GABRA1: variants seen among roughly 807,000 people sequenced by gnomAD.
GABRA1 encodes gamma-aminobutyric acid type A receptor subunit alpha1.
A neutral mutation model predicts 48.9 loss-of-function variants in GABRA1; 9 were observed. The observed-to-expected ratio is 0.18, with a 90% CI of 0.11 to 0.32. The LOEUF (loss-of-function observed/expected upper bound fraction) is 0.32, where lower values mean the gene tolerates loss of function less well. Ranked by LOEUF, GABRA1 falls within the 10% of genes least tolerant of loss-of-function variation. GABRA1 has a pLI of 1.00. For synonymous variants in GABRA1, 210 were observed against 198.7 expected (o/e 1.06, Z -0.48); for missense variants, 285 against 553.8 (o/e 0.51, Z 4.87).
At chr5:161,886,912 C>T (rs1341085333) in intron 7 of GABRA1, among the ~76,000 whole-genome samples, 1 of 152,158 alleles carries the variant, frequency 6.6e-6, no homozygotes, top group Non-Finnish European at 1.5e-5. Context: ...CCCACCCTCA[C>T]CACATTATGC....
At chr5:161,861,628 C>G (rs937322406) in intron 3 of GABRA1, among the ~76,000 whole-genome samples, 3 of 151,764 alleles carry the variant, frequency 2.0e-5, no homozygotes, top group Non-Finnish European at 2.9e-5. Context: ...CTAAGTAGCT[C>G]TACATATCAT....
At chr5:161,891,325 T>C (rs1755078441) in intron 8 of GABRA1, among the ~76,000 whole-genome samples, 1 of 152,166 alleles carries the variant, frequency 6.6e-6, no homozygotes, top group African/African-American at 2.4e-5. Flanking sequence ...ATAAAATGCA[T>C]AATATTAAAA....
chr5:161,856,987 C>T (rs1487946426), intron 3 of GABRA1, among the ~76,000 whole-genome samples: 1 of 151,052 alleles, frequency 6.6e-6, no homozygotes, highest in East Asian at 1.9e-4. Flanking sequence ...ATTTTTGGTA[C>T]TTTAAGTATG....
In GABRA1 at chr5:161,897,449, G is replaced by A. The variant is rs369682969; in HGVS notation, c.*27G>A. The A allele has an allele frequency of 6.3e-7, 1 of 1,583,690 alleles. No individual in the cohort carries two copies. The highest frequency in any genetic ancestry group is 1.7e-5 in the Admixed American group (1 of 59,948). ...TCTTTTACTCACATTCTGTTGTTCAGTCCTCTGCACTGGGAATTTATTTAT... is the reference window on the plus strand; with the variant it reads ...TCTTTTACTCACATTCTGTTGTTCAATCCTCTGCACTGGGAATTTATTTAT... On this transcript the variant is annotated 3_prime_UTR_variant, in exon 10 of 10. Transcript: ENST00000393943.
chr5:161,877,491 T>G (rs1754411484), intron 6 of GABRA1, among the ~76,000 whole-genome samples: 1 of 152,178 alleles, frequency 6.6e-6, no homozygotes, highest in Non-Finnish European at 1.5e-5. Flanking sequence ...AGATGGCTGC[T>G]GTAACTCCAG....
intron 6 of GABRA1, among the ~76,000 whole-genome samples, chr5:161,878,403 A>G (rs554950906): frequency 6.6e-6 from 1 of 152,334 alleles, no homozygotes; most frequent in African/African-American, 2.4e-5. Context: ...AAAGGTGAAG[A>G]AACTGAGGCA....
chr5:161,855,732 G>A (rs1281555681), intron 3 of GABRA1, among the ~76,000 whole-genome samples: 4 of 151,270 alleles, frequency 2.6e-5, no homozygotes, highest in Admixed American at 1.3e-4. Flanking sequence ...CCAGGCTAGT[G>A]ATATAAATTT....
At chr5:161,859,772 G>C (rs1185379484) in intron 3 of GABRA1, among the ~76,000 whole-genome samples, 2 of 151,712 alleles carry the variant, frequency 1.3e-5, no homozygotes, top group African/African-American at 4.8e-5. Context: ...AATAGGACAA[G>C]ATAATTTCAG....
chr5:161,866,353 T>G (rs1260486267), intron 4 of GABRA1, among the ~76,000 whole-genome samples: 1 of 152,108 alleles, frequency 6.6e-6, no homozygotes, highest in African/African-American at 2.4e-5. Flanking sequence ...TGCTCTTTTT[T>G]TCTAGTTCAA....
chr5:161,849,100 C>T, intron 1 of GABRA1: 1 of 380,270 alleles, frequency 2.6e-6, no homozygotes, highest in Non-Finnish European at 5.1e-6. Flanking sequence ...AAGACTGCAG[C>T]TTAGCCTTTC....
intron 8 of GABRA1, among the ~76,000 whole-genome samples, 172 bp from the exon 9 acceptor site, chr5:161,895,494 A>G (rs941665421): frequency 6.6e-6 from 1 of 152,184 alleles, no homozygotes; most frequent in Non-Finnish European, 1.5e-5. Flanking sequence ...TGAATCACAG[A>G]CTACACTGGG....
intron 3 of GABRA1, among the ~76,000 whole-genome samples, chr5:161,855,027 A>G (rs1757594850): frequency 6.6e-6 from 1 of 151,584 alleles, no homozygotes; most frequent in Non-Finnish European, 1.5e-5. Context: ...AGAGTAAAAC[A>G]AGTGAAGCAA....
chr5:161,872,102 T>C (rs977889436), intron 4 of GABRA1: 7 of 152,630 alleles, frequency 4.6e-5, no homozygotes, highest in African/African-American at 1.7e-4. Context: ...CTTAAAGGAT[T>C]AGGAAAATGT....
chr5:161,865,711 G>C lies in GABRA1; in HGVS notation c.188-10G>C. Reference sequence around the variant, plus strand: ...CAGACACTCACTCGCCCAATTTCCTGCTTCAACAGAGCGTGTAACCGAAGT... The same window carrying C: ...CAGACACTCACTCGCCCAATTTCCTCCTTCAACAGAGCGTGTAACCGAAGT... On this transcript the variant is annotated splice_polypyrimidine_tract_variant and intron_variant, in intron 3 of 9. Transcript: ENST00000393943. 6.2e-7 allele frequency: 1 copy of C among 1,612,306 alleles called. No homozygotes were observed. Among genetic ancestry groups the C allele is most frequent in the South Asian group, 1.1e-5 (1 of 91,064 alleles).
chr5:161,893,048 T>TAATAATAATA (rs5872733), intron 8 of GABRA1, among the ~76,000 whole-genome samples: 70 of 142,008 alleles, frequency 4.9e-4, no homozygotes, highest in African/African-American at 1.3e-3. Context: ...ATAATAATAA[T>TAATAATAATA]AAAATAAACA....
intron 5 of GABRA1, 70 bp from the exon 6 acceptor site, chr5:161,875,490 A>T: frequency 1.7e-6 from 2 of 1,207,038 alleles, no homozygotes; most frequent in Non-Finnish European, 2.5e-6. Context: ...AGTTAATAAC[A>T]TTCCACTTGT....
chr5:161,874,280 A>G (rs1390853052), intron 5 of GABRA1, among the ~76,000 whole-genome samples: 2 of 152,206 alleles, frequency 1.3e-5, no homozygotes, highest in Non-Finnish European at 2.9e-5. Context: ...AGAAAAGAAA[A>G]GAAAAAATTC....
At chr5:161,851,805 G>A (rs1427934140) in intron 2 of GABRA1, among the ~76,000 whole-genome samples, 2 of 152,062 alleles carry the variant, frequency 1.3e-5, no homozygotes, top group South Asian at 2.1e-4. Context: ...TGACAGACAG[G>A]CATTATTATC....
At chr5:161,863,469 C>A (rs562761663) in intron 3 of GABRA1, among the ~76,000 whole-genome samples, 3 of 151,938 alleles carry the variant, frequency 2.0e-5, no homozygotes, top group East Asian at 1.9e-4. Flanking sequence ...GAGAGAGAGC[C>A]ACACACTTTT....
Sources: allele counts gnomAD v4.1 joint callset (sites outside exome capture counted in the v4.1 genomes callset), GRCh38; gene constraint gnomAD v4.1.1; transcripts MANE v1.5; gene names NCBI Gene and HGNC (gene_info 2026-07-23, HGNC 2026-07-21).